Variants in ARHGEF7 observed in about 807,000 individuals in gnomAD.
ARHGEF7 encodes Rho guanine nucleotide exchange factor 7, also known as PAK-interacting exchange factor beta.
Under a neutral mutation model 109.8 loss-of-function variants are expected in ARHGEF7, and 33 were observed. The observed-to-expected ratio is 0.30, with a 90% CI of 0.23 to 0.40. The LOEUF (loss-of-function observed/expected upper bound fraction) is 0.40. Among genes scored for constraint, ARHGEF7 ranks in the 10% least tolerant of loss-of-function variants. The pLI is 1.00. For synonymous variants in ARHGEF7, 458 were observed against 424.6 expected (o/e 1.08, Z -0.97); for missense variants, 938 against 1,098.5 (o/e 0.85, Z 2.07).
chr13:111,279,693 T>C (rs111299900), intron 13 of ARHGEF7, among the ~76,000 whole-genome samples: 43 of 152,378 alleles, frequency 2.8e-4, no homozygotes, highest in Non-Finnish European at 5.4e-4. Context: ...TGACATTTCC[T>C]GGTGCAGTTA....
chr13:111,192,921 A>T lies in ARHGEF7; in HGVS notation c.253-12368A>T, dbSNP rs1265490780. Among the ~76,000 whole-genome samples, 3 of 152,210 alleles carry T rather than the reference A, an allele frequency of 2.0e-5. No homozygotes were observed. The East Asian group carries it at 5.8e-4, about 29-fold the overall frequency. On this transcript the variant is annotated intron_variant, in intron 2 of 21. Coordinates refer to ENST00000646102, the MANE Select transcript of ARHGEF7 (RefSeq NM_001354046.2). ...TTATTGAAATCCCTTCGACTTAGGC[A>T]TATGGGTGAAGTCTAAATGCCAGTC...
chr13:111,195,315 T>A (rs1167353561), intron 2 of ARHGEF7, among the ~76,000 whole-genome samples: 1 of 152,118 alleles, frequency 6.6e-6, no homozygotes, highest in Non-Finnish European at 1.5e-5. Flanking sequence ...TAGCTCCAGC[T>A]TTGGCTAATA....
intron 1 of ARHGEF7, among the ~76,000 whole-genome samples, chr13:111,146,776 G>C (rs2075616165): frequency 6.6e-6 from 1 of 152,184 alleles, no homozygotes; most frequent in Non-Finnish European, 1.5e-5. Flanking sequence ...CCCTGGAGTA[G>C]TTGGTAAGGA....
At chr13:111,260,030 T>A (rs2090912878) in intron 8 of ARHGEF7, among the ~76,000 whole-genome samples, 1 of 152,118 alleles carries the variant, frequency 6.6e-6, no homozygotes, top group Non-Finnish European at 1.5e-5. Flanking sequence ...AAAGAATTAG[T>A]GAGCTTGAAG....
intron 2 of ARHGEF7, among the ~76,000 whole-genome samples, chr13:111,168,102 A>G (rs1290478414): frequency 6.6e-6 from 1 of 152,126 alleles, no homozygotes; most frequent in Non-Finnish European, 1.5e-5. Flanking sequence ...CAGGAGCCTG[A>G]GGAGAGGGTC....
chr13:111,197,120 G>C (rs189808390), intron 2 of ARHGEF7, among the ~76,000 whole-genome samples: 5 of 152,204 alleles, frequency 3.3e-5, no homozygotes, highest in Admixed American at 2.0e-4. Flanking sequence ...AACCTATAAT[G>C]GTCCCTGGAC....
chr13:111,208,512 G>A (rs1423470028), intron 3 of ARHGEF7, among the ~76,000 whole-genome samples: 1 of 152,162 alleles, frequency 6.6e-6, no homozygotes, highest in Non-Finnish European at 1.5e-5. Flanking sequence ...CTTTTAATTG[G>A]ATAGAAGAAA....
At chr13:111,253,765 G>A (rs548542895) in intron 8 of ARHGEF7, among the ~76,000 whole-genome samples, 2 of 152,300 alleles carry the variant, frequency 1.3e-5, no homozygotes, top group African/African-American at 4.8e-5. Flanking sequence ...TGTTCTGGGT[G>A]CTTTCCCCAC....
chr13:111,222,529 A>G (rs1381992393), intron 5 of ARHGEF7, among the ~76,000 whole-genome samples: 3 of 152,200 alleles, frequency 2.0e-5, no homozygotes, highest in African/African-American at 7.2e-5. Flanking sequence ...TCCTGGGTTC[A>G]AGCGATTCTC....
At chr13:111,153,563 G>A in intron 1 of ARHGEF7, 7 of 1,014,492 alleles carry the variant, frequency 6.9e-6, no homozygotes, top group Non-Finnish European at 8.5e-6. Flanking sequence ...GCAAAGCAGG[G>A]TGGGCTGCGT....
chr13:111,229,876 C>G (rs1439712405), intron 5 of ARHGEF7, among the ~76,000 whole-genome samples: 1 of 152,232 alleles, frequency 6.6e-6, no homozygotes, highest in Non-Finnish European at 1.5e-5. Context: ...GTGCCCCCGT[C>G]TGTGAGCAGC....
chr13:111,243,674 T>G (rs2088239298), intron 6 of ARHGEF7, among the ~76,000 whole-genome samples, 198 bp from the exon 7 acceptor site: 1 of 152,208 alleles, frequency 6.6e-6, no homozygotes, highest in African/African-American at 2.4e-5. Context: ...AAGTCAGTTG[T>G]ATGGCCTTAG....
intron 1 of ARHGEF7, among the ~76,000 whole-genome samples, chr13:111,133,065 T>C (rs1354859219): frequency 6.6e-6 from 1 of 152,128 alleles, no homozygotes; most frequent in African/African-American, 2.4e-5. Context: ...TATGCACACA[T>C]ATACACATGT....
At chr13:111,175,674 G>A (rs901302961) in intron 2 of ARHGEF7, among the ~76,000 whole-genome samples, 4 of 152,210 alleles carry the variant, frequency 2.6e-5, no homozygotes, top group African/African-American at 7.2e-5. Flanking sequence ...CGTCCTCATA[G>A]CAGCCCTGGG....
At chr13:111,297,006 G>A (rs1179561732) in intron 19 of ARHGEF7, among the ~76,000 whole-genome samples, 1 of 152,192 alleles carries the variant, frequency 6.6e-6, no homozygotes, top group African/African-American at 2.4e-5. Flanking sequence ...CTGTTAAATT[G>A]TTTTTCCATT....
chr13:111,268,922 A>G (rs1269555799), intron 9 of ARHGEF7, among the ~76,000 whole-genome samples: 1 of 152,204 alleles, frequency 6.6e-6, no homozygotes, highest in African/African-American at 2.4e-5. Context: ...GCTCAAATAT[A>G]AAAGGATTAA....
At chr13:111,185,031 C>T (rs1479123263) in intron 2 of ARHGEF7, 1 of 152,078 alleles carries the variant, frequency 6.6e-6, no homozygotes, top group East Asian at 1.9e-4. Context: ...TCCTCAGAGA[C>T]TGTTGTGTGG....
At chr13:111,218,047 G>A (rs531616530) in intron 5 of ARHGEF7, among the ~76,000 whole-genome samples, 167 bp downstream of exon 5, 1 of 152,222 alleles carries the variant, frequency 6.6e-6, no homozygotes, top group Non-Finnish European at 1.5e-5. Flanking sequence ...CCACATTGGG[G>A]CCCTGGCATC....
chr13:111,251,323 A>T (rs537593664), intron 8 of ARHGEF7, among the ~76,000 whole-genome samples: 59 of 152,178 alleles, frequency 3.9e-4, no homozygotes, highest in Non-Finnish European at 7.8e-4. Context: ...GAGCCTGTGA[A>T]TGGAGAGGAG....
Sources: gnomAD v4.1 joint callset for allele counts (sites outside exome capture counted in the v4.1 genomes callset) on GRCh38, gnomAD v4.1.1 for gene constraint, MANE v1.5 for transcripts, NCBI Gene and HGNC (gene_info 2026-07-23, HGNC 2026-07-21) for gene names.